The following ASCC3 variants were observed in gnomAD, a reference collection of about 807,000 sequenced individuals.
The protein encoded by ASCC3 is activating signal cointegrator 1 complex subunit 3, also known as ASC-1 complex subunit P200.
In ASCC3, 158 loss-of-function variants were observed where a neutral mutation model predicts 256.3. That is an observed-to-expected ratio of 0.62 (90% CI 0.54 to 0.70). The LOEUF (loss-of-function observed/expected upper bound fraction) is 0.70. Among genes scored for constraint, ASCC3 ranks in the 30% least tolerant of loss-of-function variants. The pLI, the probability that ASCC3 is intolerant of heterozygous loss-of-function variation, is 0.00. For missense variants in ASCC3, 2,259 were observed against 2,626.0 expected (o/e 0.86, Z 3.05); for synonymous variants, 948 against 883.4 (o/e 1.07, Z -1.30).
At chr6:100,879,669 A>C (rs1049746126) in intron 1 of ASCC3, among the ~76,000 whole-genome samples, 1 of 151,986 alleles carries the variant, frequency 6.6e-6, no homozygotes, top group Non-Finnish European at 1.5e-5. Context: ...CTTTTTATTT[A>C]TTTATTTTTT....
At chr6:100,637,410 C>T (rs1227671906) in intron 25 of ASCC3, among the ~76,000 whole-genome samples, 1 of 152,166 alleles carries the variant, frequency 6.6e-6, no homozygotes, top group Non-Finnish European at 1.5e-5. Context: ...CATCTAATCA[C>T]ACTCCAAAGC....
At chr6:100,511,919 T>C (rs760458427) in intron 40 of ASCC3, among the ~76,000 whole-genome samples, 3 of 152,192 alleles carry the variant, frequency 2.0e-5, no homozygotes, top group Admixed American at 1.3e-4. Context: ...GCTTCACCCC[T>C]GAGGGCTTAT....
intron 3 of ASCC3, among the ~76,000 whole-genome samples, chr6:100,861,764 C>G (rs1773236601): frequency 6.6e-6 from 1 of 152,088 alleles, no homozygotes; most frequent in African/African-American, 2.4e-5. Context: ...TGATCAGTCC[C>G]TAAGTATGAA....
At chr6:100,845,281 T>C (rs1484515583) in intron 4 of ASCC3, among the ~76,000 whole-genome samples, 1 of 152,152 alleles carries the variant, frequency 6.6e-6, no homozygotes, top group East Asian at 1.9e-4. Context: ...CAGAGAGCAA[T>C]AATCTATGGG....
intron 5 of ASCC3, 149 bp downstream of exon 5, chr6:100,805,611 T>A: frequency 2.0e-6 from 2 of 1,005,444 alleles, no homozygotes; most frequent in Non-Finnish European, 1.4e-6. Flanking sequence ...TTTTTCATAA[T>A]ATGCCATATC....
At position 100,646,654 on chromosome 6, in the gene ASCC3, C is replaced by A; in HGVS notation, c.3594G>T (p.Val1198=). 6.2e-7 allele frequency: 1 copy of A among 1,614,054 alleles called. No homozygotes were observed. Among genetic ancestry groups the A allele is most frequent in the South Asian group, 1.1e-5 (1 of 91,080 alleles). The change falls in exon 22 of 42, where the codon GTG becomes GTT. Residue 1198 remains valine, a synonymous_variant. Coordinates refer to ENST00000369162, the MANE Select transcript of ASCC3 (RefSeq NM_006828.4). ...TGAAATCAGCATAGATGCTGAGTGT[C>A]ACTCGGAGGACAGTCCTTGTGATAG... ...IQPITRTVLR[V]TLSIYADFTW... is the part of the protein sequence containing the mutation.
intron 19 of ASCC3, 148 bp downstream of exon 19, chr6:100,651,412 C>G: frequency 2.8e-6 from 1 of 355,138 alleles, no homozygotes; most frequent in Non-Finnish European, 5.2e-6. Context: ...TAATCTAGGA[C>G]AGTGGGTCTT....
intron 37 of ASCC3, among the ~76,000 whole-genome samples, chr6:100,523,871 T>C (rs1182334092): frequency 6.6e-6 from 1 of 152,130 alleles, no homozygotes; most frequent in African/African-American, 2.4e-5. Flanking sequence ...ATCCCATGAA[T>C]TTATTGTAAA....
intron 10 of ASCC3, among the ~76,000 whole-genome samples, chr6:100,747,948 T>C (rs1780762714): frequency 6.6e-6 from 1 of 152,098 alleles, no homozygotes; most frequent in Admixed American, 6.5e-5. Flanking sequence ...TTGATTACTA[T>C]TTTCTTTTCT....
chr6:100,572,587 A>G (rs1229648073), intron 36 of ASCC3, among the ~76,000 whole-genome samples: 1 of 152,144 alleles, frequency 6.6e-6, no homozygotes, highest in Non-Finnish European at 1.5e-5. Context: ...TCTGTTTTCA[A>G]TTTTAAAAAC....
chr6:100,818,748 CAAAAAAAAAAA>C (rs56668191), intron 4 of ASCC3, among the ~76,000 whole-genome samples: 4 of 58,108 alleles, frequency 6.9e-5, no homozygotes, highest in South Asian at 9.7e-4. Context: ...AGGCAAAAGC[CAAAAAAAAAAA>C]AAAAAAAAAA....
chr6:100,693,845 G>A (rs901456106), intron 13 of ASCC3, among the ~76,000 whole-genome samples: 1 of 152,030 alleles, frequency 6.6e-6, no homozygotes, highest in Admixed American at 6.5e-5. Flanking sequence ...ACAAACTCTT[G>A]TAGCAGCTCA....
intron 29 of ASCC3, among the ~76,000 whole-genome samples, chr6:100,626,796 T>C (rs1774258580): frequency 1.3e-5 from 2 of 152,092 alleles, no homozygotes; most frequent in East Asian, 1.9e-4. Context: ...TATAAATGGA[T>C]CTCTTGTCTT....
chr6:100,650,563 A>G lies in ASCC3; in HGVS notation c.3227T>C (p.Ile1076Thr), dbSNP rs1225297278. The G allele has an allele frequency of 6.2e-7, 1 of 1,612,718 alleles. No individual in the cohort carries two copies. The highest frequency in any genetic ancestry group is 1.1e-5 in the South Asian group (1 of 91,052). ...SRGEMDSFSL[I>T]SDSAYVAQNA... is the part of the protein sequence containing the mutation. ...CTGTGCAACATATGCAGAATCTGATATAAGGGAGAAACTGTCCATTTCTCC... is the reference window on the plus strand; with the variant it reads ...CTGTGCAACATATGCAGAATCTGATGTAAGGGAGAAACTGTCCATTTCTCC... Residue 1076 changes from isoleucine to threonine, a missense_variant, in exon 20 of 42, where the codon ATA becomes ACA. Physicochemically the swap from Ile to Thr is moderately conservative, Grantham distance 89. Transcript: ENST00000369162.
chr6:100,799,455 T>A lies in ASCC3; in HGVS notation c.1245A>T (p.Thr415=). ...CCTTTGCACCAGCAATAAATGCTGA[T>A]GTTTTCATGGCTTCAGCCTGGGAAT... ...VYDSQAEAMK[T]SAFIAGAKMI... The change falls in exon 7 of 42, where the codon ACA becomes ACT. Residue 415 remains threonine (T), a synonymous_variant. Coordinates refer to ENST00000369162, the MANE Select transcript of ASCC3 (RefSeq NM_006828.4). The A allele has an allele frequency of 6.2e-7, 1 of 1,612,906 alleles. No individual in the cohort carries two copies. Among genetic ancestry groups the A allele is most frequent in the Non-Finnish European group, 8.5e-7 (1 of 1,179,404 alleles).
chr6:100,757,186 T>C (rs1011906703), intron 10 of ASCC3, among the ~76,000 whole-genome samples: 1 of 151,994 alleles, frequency 6.6e-6, no homozygotes, highest in African/African-American at 2.4e-5. Context: ...TCAAGACTTA[T>C]ACTAAAATGA....
chr6:100,726,517 C>T (rs1779635641), intron 10 of ASCC3, among the ~76,000 whole-genome samples: 1 of 151,866 alleles, frequency 6.6e-6, no homozygotes, highest in South Asian at 2.1e-4. Flanking sequence ...TCCAAATGCT[C>T]CAATGAGTAT....
intron 25 of ASCC3, among the ~76,000 whole-genome samples, chr6:100,635,734 A>C (rs1418308618): frequency 6.6e-6 from 1 of 152,114 alleles, no homozygotes; most frequent in African/African-American, 2.4e-5. Flanking sequence ...ATACTAGGAA[A>C]GAGTTAAAAA....
rs751692553 is a variant in ASCC3 at position 100,848,479 on chromosome 6, T to C, written c.470A>G (p.His157Arg). ...TTTACCAAAAAAAACCCTATCGCCA[T>C]GTTCTTTTTCTGTCATCTGCACAAG... ...TALVQMTEKE[H>R]GDRVFFGKNL... is the part of the protein sequence containing the mutation. The change falls in exon 4 of 42, where the codon CAT becomes CGT. Residue 157 changes from histidine to arginine, a missense_variant. His to Arg is a conservative substitution (Grantham distance 29). Coordinates refer to ENST00000369162, the MANE Select transcript of ASCC3 (RefSeq NM_006828.4). 1 of 1,613,072 alleles carries C rather than the reference T, an allele frequency of 6.2e-7. No homozygotes were observed. Among genetic ancestry groups the C allele is most frequent in the African/African-American group, 1.3e-5 (1 of 74,862 alleles).
Sources: gnomAD v4.1 joint callset for allele counts (sites outside exome capture counted in the v4.1 genomes callset) on GRCh38, gnomAD v4.1.1 for gene constraint, MANE v1.5 for transcripts, NCBI Gene and HGNC (gene_info 2026-07-23, HGNC 2026-07-21) for gene names.